SPRY3: variants seen among roughly 807,000 people sequenced by gnomAD.
SPRY3 encodes protein sprouty homolog 3.
In SPRY3, 15 loss-of-function variants were observed where a neutral mutation model predicts 20.2. The observed-to-expected ratio is 0.74, with a 90% confidence interval of 0.50 to 1.14. The LOEUF (loss-of-function observed/expected upper bound fraction) is 1.14. Ranked by LOEUF, SPRY3 falls within the 50% of genes most tolerant of loss-of-function variation. The probability of loss-of-function intolerance (pLI) is 0.00; values close to 1 mark genes in which losing one functional copy is unlikely to be tolerated. For missense variants in SPRY3, 364 were observed against 363.9 expected (o/e 1.00, Z 0.00); for synonymous variants, 143 against 136.5 (o/e 1.05, Z -0.33).
At chrX:155,707,144 C>A (rs2090957342) in intron 2 of SPRY3, among the ~76,000 whole-genome samples, 1 of 150,808 alleles carries the variant, frequency 6.6e-6, no homozygotes, top group Non-Finnish European at 1.5e-5. Context: ...AATTTTTTTC[C>A]AAGCACTGCT....
chrX:155,767,110 G>A (rs1291967193), intron 2 of SPRY3, among the ~76,000 whole-genome samples: 1 of 151,978 alleles, frequency 6.6e-6, no homozygotes, highest in Non-Finnish European at 1.5e-5. Flanking sequence ...ATTACCCAGG[G>A]ACCGGATACA....
intron 2 of SPRY3, among the ~76,000 whole-genome samples, chrX:155,753,561 AC>A (rs1307273402): frequency 2.6e-5 from 4 of 151,944 alleles, no homozygotes; most frequent in African/African-American, 7.2e-5. Context: ...TTGTATAGAC[AC>A]ATGTTTTCAA....
intron 2 of SPRY3, among the ~76,000 whole-genome samples, chrX:155,729,937 A>G (rs914590062): frequency 7.0e-4 from 106 of 152,276 alleles, no homozygotes; most frequent in African/African-American, 2.4e-3. Context: ...CTATGTGCCA[A>G]TAAATTGGAA....
Position 155,728,937 on chromosome X carries a change from A to C in SPRY3, c.-281-39025A>C, listed in dbSNP as rs1197939742. Among the ~76,000 whole-genome samples, 3 of 152,164 alleles carry C rather than the reference A, an allele frequency of 2.0e-5. No homozygotes were observed. In the East Asian group the frequency reaches 5.8e-4, roughly 29 times the overall value. On this transcript the variant is annotated intron_variant, in intron 2 of 3. Coordinates refer to ENST00000675360, the Ensembl canonical transcript of SPRY3. ...GAAGTAGCTATACATATACAGACAA[A>C]CTAGATTTCAAGACAATAGCTATTA...
At chrX:155,767,068 AC>A (rs921232246) in intron 2 of SPRY3, among the ~76,000 whole-genome samples, 2 of 151,846 alleles carry the variant, frequency 1.3e-5, no homozygotes, top group African/African-American at 4.8e-5. Flanking sequence ...TCTCCACCCC[AC>A]CCCCACGTTC....
intron 2 of SPRY3, among the ~76,000 whole-genome samples, chrX:155,711,512 A>T (rs1388264326): frequency 6.6e-6 from 1 of 151,092 alleles, no homozygotes; most frequent in Non-Finnish European, 1.5e-5. Context: ...TTTGTGTTTC[A>T]TCTCTGATTT....
intron 2 of SPRY3, among the ~76,000 whole-genome samples, chrX:155,668,942 T>A (rs2068032508): frequency 9.0e-6 from 1 of 111,155 alleles, no homozygotes; most frequent in Non-Finnish European, 1.9e-5. Flanking sequence ...TCTTTAACAT[T>A]CCTCAATAAG....
chrX:155,651,043 G>A (rs955440627), intron 1 of SPRY3, among the ~76,000 whole-genome samples: 17 of 109,128 alleles, frequency 1.6e-4, no homozygotes, highest in Non-Finnish European at 1.9e-4. Flanking sequence ...CAGTGATCCA[G>A]TTTCTCTGCA....
At chrX:155,718,867 TAG>T (rs2091038134) in intron 2 of SPRY3, among the ~76,000 whole-genome samples, 2 of 151,934 alleles carry the variant, frequency 1.3e-5, no homozygotes, top group African/African-American at 4.8e-5. Context: ...TGAAACATGA[TAG>T]GTAAGTTATA....
At chrX:155,779,906 A>G (rs1369034749), downstream of SPRY3, 2 of 166,988 alleles carry the variant, frequency 1.2e-5, no homozygotes, top group Admixed American at 6.6e-5. Context: ...AAGGTTTGAT[A>G]AGATTTTGTA....
intron 2 of SPRY3, among the ~76,000 whole-genome samples, chrX:155,737,361 G>A (rs1398771017): frequency 6.6e-6 from 1 of 152,054 alleles, no homozygotes; most frequent in Admixed American, 6.6e-5. Flanking sequence ...TGAAACAATG[G>A]TGAGCACAAT....
chrX:155,733,204 C>G (rs745626228), intron 2 of SPRY3, among the ~76,000 whole-genome samples: 2 of 151,608 alleles, frequency 1.3e-5, no homozygotes, highest in East Asian at 3.9e-4. Flanking sequence ...TTATAGATAT[C>G]TCATTTACCC....
intron 2 of SPRY3, among the ~76,000 whole-genome samples, chrX:155,717,311 A>G (rs2091030047): frequency 6.6e-6 from 1 of 151,964 alleles, no homozygotes; most frequent in Admixed American, 6.6e-5. Context: ...TTCCCATTAC[A>G]TTTCTAGTTT....
intron 3 of SPRY3, among the ~76,000 whole-genome samples, chrX:155,771,962 A>C (rs769604497): frequency 6.6e-6 from 1 of 152,304 alleles, no homozygotes; most frequent in South Asian, 2.1e-4. Flanking sequence ...AAGGTCCTTC[A>C]AGATCACCTT....
intron 2 of SPRY3, among the ~76,000 whole-genome samples, chrX:155,666,363 T>C (rs2068024540): frequency 8.9e-6 from 1 of 111,823 alleles, no homozygotes; most frequent in Admixed American, 9.5e-5. Flanking sequence ...TTAACCTGAA[T>C]TTGATGGAGC....
chrX:155,755,158 G>T (rs1410494609), intron 2 of SPRY3, among the ~76,000 whole-genome samples: 1 of 142,766 alleles, frequency 7.0e-6, no homozygotes, highest in Non-Finnish European at 1.5e-5. Context: ...GAGATTACTA[G>T]TGCCTAAATC....
chrX:155,682,197 G>A (rs957150624), intron 2 of SPRY3, among the ~76,000 whole-genome samples: 2 of 112,181 alleles, frequency 1.8e-5, no homozygotes, highest in South Asian at 3.7e-4. Flanking sequence ...ATTATGCTAC[G>A]TCTACTCTAC....
intron 2 of SPRY3, among the ~76,000 whole-genome samples, chrX:155,740,594 G>C (rs2091199008): frequency 6.6e-6 from 1 of 152,080 alleles, no homozygotes; most frequent in South Asian, 2.1e-4. Flanking sequence ...GCTTACTACG[G>C]TGGGGAAAAA....
At chrX:155,757,565 CA>C (rs2091288153) in intron 2 of SPRY3, among the ~76,000 whole-genome samples, 1 of 152,128 alleles carries the variant, frequency 6.6e-6, no homozygotes, top group African/African-American at 2.4e-5. Context: ...TATTTTCCAT[CA>C]CCCCAGGCAA....
Sources: allele counts gnomAD v4.1 joint callset (sites outside exome capture counted in the v4.1 genomes callset), GRCh38; gene constraint gnomAD v4.1.1; transcripts MANE v1.5; gene names NCBI Gene and HGNC (gene_info 2026-07-23, HGNC 2026-07-21).